The following RFX8 variants were observed in gnomAD, a reference collection of about 807,000 sequenced individuals.
RFX8 encodes regulatory factor X8.
In RFX8, 46 loss-of-function variants were observed where a neutral mutation model predicts 54.6. The ratio of observed to expected loss-of-function variants is 0.84; its 90% CI spans 0.67 to 1.08. The LOEUF is 1.08. Ranked by LOEUF, RFX8 falls within the 50% of genes least tolerant of loss-of-function variation. The pLI is 0.00. For synonymous variants in RFX8, 192 were observed against 209.5 expected (o/e 0.92, Z 0.72); for missense variants, 536 against 562.3 (o/e 0.95, Z 0.47).
chr2:101,399,259 A>G (rs1349496471), intron 11 of RFX8, among the ~76,000 whole-genome samples: 1 of 152,186 alleles, frequency 6.6e-6, no homozygotes, highest in Non-Finnish European at 1.5e-5. Context: ...TGCAGATGGG[A>G]CATGCAGGGT....
chr2:101,407,333 G>A (rs1156727140), intron 9 of RFX8, among the ~76,000 whole-genome samples: 1 of 152,186 alleles, frequency 6.6e-6, no homozygotes, highest in East Asian at 1.9e-4. Flanking sequence ...GGACTCTTGG[G>A]AGGAGCTCTT....
chr2:101,397,709 A>G lies in RFX8; in HGVS notation c.1261T>C (p.Leu421=). The G allele has an allele frequency of 5.2e-6, 8 of 1,550,106 alleles. No homozygotes were observed. The highest frequency in any genetic ancestry group is 7.0e-6 in the Non-Finnish European group (8 of 1,146,480). ...GCGCTTTCAGTGGTTTCATCTTCCAACAGCACCTGGATGAGCTGCAAGAGG... is the reference window on the plus strand; with the variant it reads ...GCGCTTTCAGTGGTTTCATCTTCCAGCAGCACCTGGATGAGCTGCAAGAGG... ...AMGNKLIQVL[L]EDETTESAVK... is the part of the protein sequence containing the mutation. The change falls in exon 12 of 12, where the codon TTG becomes CTG. Residue 421 remains leucine, a synonymous_variant. Coordinates refer to ENST00000428343, the MANE Select transcript of RFX8 (RefSeq NM_001145664.2).
In RFX8 at chr2:101,440,330, G is replaced by A. The variant is rs989057991; in HGVS notation, c.73-17858C>T. 1.2e-4 allele frequency among the ~76,000 whole-genome samples: 19 copies of A among 152,282 alleles called. No homozygotes were observed. In the South Asian group the frequency reaches 1.5e-3, roughly 12 times the overall value. ...GCTCTTGGAGTGTTCCCAGTCAACC[G>A]TTAGCTGATAAGAGTGGCTCCCTGT... is the stretch of plus-strand genomic sequence containing the variant. On this transcript the variant is annotated intron_variant, in intron 2 of 11. Transcript: ENST00000428343.
intron 2 of RFX8, among the ~76,000 whole-genome samples, chr2:101,422,695 T>A (rs1472849276): frequency 6.6e-6 from 1 of 152,206 alleles, no homozygotes; most frequent in Non-Finnish European, 1.5e-5. Flanking sequence ...AGGGAAGGGA[T>A]AGGATTTAAT....
chr2:101,474,195 G>A (rs1006581778), intron 1 of RFX8: 70 of 628,732 alleles, frequency 1.1e-4, no homozygotes, highest in Non-Finnish European at 1.7e-4. Flanking sequence ...GGCGCCTGGC[G>A]GCTCACCACT....
intron 9 of RFX8, among the ~76,000 whole-genome samples, chr2:101,410,081 G>A (rs1686019276): frequency 6.6e-6 from 1 of 151,954 alleles, no homozygotes; most frequent in African/African-American, 2.4e-5. Flanking sequence ...CTCTCCCCCT[G>A]AAATAGACAA....
chr2:101,437,433 C>T (rs914997329), intron 2 of RFX8, among the ~76,000 whole-genome samples: 3 of 151,910 alleles, frequency 2.0e-5, no homozygotes, highest in Admixed American at 6.6e-5. Context: ...AAAAAAATAG[C>T]CAGGTATGAT....
chr2:101,445,325 T>C (rs1688310945), intron 2 of RFX8, among the ~76,000 whole-genome samples: 1 of 152,174 alleles, frequency 6.6e-6, no homozygotes, highest in African/African-American at 2.4e-5. Context: ...TGGCACTCTG[T>C]TCAAATGGTG....
chr2:101,450,648 C>A, intron 2 of RFX8: 1 of 1,513,216 alleles, frequency 6.6e-7, no homozygotes. Flanking sequence ...GAAGAAAGAG[C>A]TTTTCTTGAT....
intron 2 of RFX8, among the ~76,000 whole-genome samples, chr2:101,447,130 A>T (rs1360779510): frequency 1.3e-5 from 2 of 152,048 alleles, no homozygotes; most frequent in Non-Finnish European, 2.9e-5. Context: ...TACTACACTG[A>T]CTCAACCAAC....
chr2:101,407,819 C>T (rs936779883), intron 9 of RFX8, among the ~76,000 whole-genome samples: 5 of 152,186 alleles, frequency 3.3e-5, no homozygotes, highest in Non-Finnish European at 7.4e-5. Context: ...GCTTTCTTCC[C>T]GTCACGTCCA....
At chr2:101,463,830 GC>G (rs1327050472) in intron 2 of RFX8, among the ~76,000 whole-genome samples, 1 of 152,200 alleles carries the variant, frequency 6.6e-6, no homozygotes, top group Non-Finnish European at 1.5e-5. Context: ...AGAAGCCCAG[GC>G]CTAGTTCTCT....
At chr2:101,474,165 T>C in intron 1 of RFX8, 1 of 597,318 alleles carries the variant, frequency 1.7e-6, no homozygotes, top group Non-Finnish European at 3.0e-6. Flanking sequence ...CGGCCCCACC[T>C]CCTCCATCCC....
At chr2:101,425,743 A>G (rs1185465007) in intron 2 of RFX8, among the ~76,000 whole-genome samples, 1 of 152,238 alleles carries the variant, frequency 6.6e-6, no homozygotes, top group African/African-American at 2.4e-5. Context: ...TAAAATCATA[A>G]ATGGAAATAT....
Position 101,422,565 on chromosome 2 carries a change from T to C in RFX8, c.73-93A>G, listed in dbSNP as rs1686928493. On this transcript the variant is annotated intron_variant, in intron 2 of 11. Transcript: ENST00000428343. ...TTATGATCACACTACTATAAGTTAA[T>C]ATTGTGTATAACCTTTTAGCCACAC... is the stretch of plus-strand genomic sequence containing the variant. 3 of 737,926 alleles carry C rather than the reference T, an allele frequency of 4.1e-6. No homozygotes were observed. The African/African-American group carries it at 5.2e-5, about 13-fold the overall frequency. The allele number at this position is 737,926 out of a possible 1,614,324, so 45.7% of individuals were successfully genotyped here.
At chr2:101,428,427 A>G (rs1242856873) in intron 2 of RFX8, among the ~76,000 whole-genome samples, 1 of 152,204 alleles carries the variant, frequency 6.6e-6, no homozygotes, top group African/African-American at 2.4e-5. Flanking sequence ...GCCCTCCGGT[A>G]ACCTGGCCAC....
intron 1 of RFX8, among the ~76,000 whole-genome samples, chr2:101,469,065 T>TAA (rs1179384468): frequency 2.8e-4 from 7 of 24,846 alleles, no homozygotes; most frequent in African/African-American, 1.0e-3. Flanking sequence ...CGTATATATA[T>TAA]GTATATATAT....
At chr2:101,405,254 C>T (rs1290494713) in intron 10 of RFX8, among the ~76,000 whole-genome samples, 1 of 151,550 alleles carries the variant, frequency 6.6e-6, no homozygotes, top group Non-Finnish European at 1.5e-5. Context: ...TCAAGTGATT[C>T]TCCTGCCTCA....
rs745979480 is a variant in RFX8 at position 101,410,516 on chromosome 2, G to A, written c.813+103C>T. The A allele has an allele frequency of 2.9e-5, 19 of 658,378 alleles. 1 individual carries two copies. Among genetic ancestry groups the A allele is most frequent in the Middle Eastern group, 2.5e-4 (1 of 3,990 alleles). The allele number at this position is 658,378 out of a possible 1,614,324, so 40.8% of individuals were successfully genotyped here. A position where few individuals can be genotyped will look rare whatever the true frequency, so the allele number is the denominator to read the frequency against. ...CCCAGGCCAGCTTTGACACATTTCC[G>A]ACCAGAGCCTAAGAAGCCTCTTTCC... On this transcript the variant is annotated intron_variant, in intron 9 of 11. Transcript: ENST00000428343.
Sources: allele counts gnomAD v4.1 joint callset (sites outside exome capture counted in the v4.1 genomes callset), GRCh38; gene constraint gnomAD v4.1.1; transcripts MANE v1.5; gene names NCBI Gene and HGNC (gene_info 2026-07-23, HGNC 2026-07-21).